The following CAST variants were observed in gnomAD, a reference collection of about 807,000 sequenced individuals.
The protein encoded by CAST is MIR583 host.
CAST carries 76 observed loss-of-function variants against 119.6 expected under a neutral mutation model. The ratio of observed to expected loss-of-function variants is 0.64; its 90% CI spans 0.53 to 0.77. CAST has a LOEUF of 0.77. Among genes scored for constraint, CAST ranks in the 30% least tolerant of loss-of-function variants. The pLI is 0.00. For missense variants in CAST, 953 were observed against 946.5 expected (o/e 1.01, Z -0.09); for synonymous variants, 319 against 331.6 (o/e 0.96, Z 0.41).
In CAST at chr5:96,704,033, G is replaced by C. The variant is rs367597097; in HGVS notation, c.210+8126G>C. ...CAGTATAGGATTAAAATGAAGTAGT[G>C]AAATTTAGCAAAATCTTGCTGAACA... On this transcript the variant is annotated intron_variant, in intron 3 of 31. Transcript: ENST00000675179. Among the ~76,000 whole-genome samples, 11 of 152,284 alleles carry C rather than the reference G, an allele frequency of 7.2e-5. 1 individual carries two copies. In the South Asian group the frequency reaches 2.1e-3, roughly 29 times the overall value.
At chr5:96,113,439 G>A in the CAST span, among the ~76,000 whole-genome samples, 1 of 152,242 alleles carries the variant, frequency 6.6e-6, no homozygotes, top group East Asian at 1.9e-4. Flanking sequence ...GTCCAGGTTA[G>A]TAGACACACA....
At chr5:96,300,184 C>T in the CAST span, among the ~76,000 whole-genome samples, 1 of 152,030 alleles carries the variant, frequency 6.6e-6, no homozygotes, top group South Asian at 2.1e-4. Context: ...TTTCACAGAC[C>T]AATGTTGTAT....
the CAST span, among the ~76,000 whole-genome samples, chr5:96,032,097 C>T: frequency 1.3e-4 from 20 of 152,084 alleles, no homozygotes; most frequent in Non-Finnish European, 2.8e-4. Context: ...AGTCACATTC[C>T]ATCACTCTTT....
At chr5:96,493,325 CTAGA>C in the CAST span, among the ~76,000 whole-genome samples, 17 of 152,098 alleles carry the variant, frequency 1.1e-4, no homozygotes, top group African/African-American at 2.9e-4. Flanking sequence ...CCTCTTCACC[CTAGA>C]TAAAGTGCTT....
the CAST span, among the ~76,000 whole-genome samples, chr5:96,424,731 G>T: frequency 3.3e-5 from 5 of 152,168 alleles, no homozygotes; most frequent in African/African-American, 1.2e-4. Flanking sequence ...GGGAGGCCAA[G>T]GCGGGTGGAT....
At chr5:95,967,416 T>TTAAA in the CAST span, among the ~76,000 whole-genome samples, 213 of 144,590 alleles carry the variant, frequency 1.5e-3, no homozygotes, top group Non-Finnish European at 2.5e-3. Flanking sequence ...GACCCTATCT[T>TTAAA]TAAATAAATA....
intron 2 of CAST, among the ~76,000 whole-genome samples, chr5:96,693,562 T>C (rs1201265443): frequency 6.6e-6 from 1 of 152,202 alleles, no homozygotes; most frequent in Non-Finnish European, 1.5e-5. Flanking sequence ...CTGTGTCACA[T>C]TGAAAACAGA....
chr5:96,661,362 T>G (rs1748427492), upstream of CAST, among the ~76,000 whole-genome samples: 1 of 140,710 alleles, frequency 7.1e-6, no homozygotes, highest in Admixed American at 7.7e-5. Context: ...GAGGCGGAGA[T>G]TGCAGCGAGC....
chr5:96,399,788 T>C, the CAST span, among the ~76,000 whole-genome samples: 2 of 152,108 alleles, frequency 1.3e-5, no homozygotes, highest in African/African-American at 2.4e-5. Flanking sequence ...TTCTAGAGCT[T>C]TGGTCTCTTA....
chr5:96,717,006 A>T (rs1016165108), intron 3 of CAST, among the ~76,000 whole-genome samples: 3 of 152,056 alleles, frequency 2.0e-5, no homozygotes, highest in Admixed American at 2.0e-4. Flanking sequence ...ATTCCAGCTT[A>T]AAAAAAACTT....
At chr5:96,738,321 C>CA (rs1354594761) in intron 11 of CAST, among the ~76,000 whole-genome samples, 5 of 151,244 alleles carry the variant, frequency 3.3e-5, no homozygotes, top group South Asian at 4.2e-4. Flanking sequence ...GACTCCATCT[C>CA]AAAAAAAAGA....
intron 1 of CAST, among the ~76,000 whole-genome samples, chr5:96,639,801 T>G (rs1747928956): frequency 6.6e-6 from 1 of 152,210 alleles, no homozygotes; most frequent in Non-Finnish European, 1.5e-5. Context: ...TTGTTTTGTT[T>G]GAGTATGCAC....
chr5:96,753,454 T>G (rs1765595365), intron 20 of CAST, among the ~76,000 whole-genome samples: 3 of 152,200 alleles, frequency 2.0e-5, no homozygotes. Context: ...ATGGCCAGAG[T>G]TCATTACATT....
the CAST span, among the ~76,000 whole-genome samples, chr5:96,154,145 G>T: frequency 1.3e-5 from 2 of 152,080 alleles, no homozygotes; most frequent in Admixed American, 6.6e-5. Flanking sequence ...GGGTGTGGTG[G>T]CGGGTGCCTG....
Position 96,604,288 on chromosome 5 carries a change from A to G in CAST, c.61-71251A>G, listed in dbSNP as rs556662973. On this transcript the variant is annotated intron_variant, in intron 1 of 11. Coordinates refer to the CAST transcript ENST00000505143. Reference sequence around the variant, plus strand: ...ATACTCAGGATGGTCACTATCTACTATAATCACTTGATTCTCAATAAAGCT... The same window carrying G: ...ATACTCAGGATGGTCACTATCTACTGTAATCACTTGATTCTCAATAAAGCT... Among the ~76,000 whole-genome samples the G allele has an allele frequency of 1.1e-4, 17 of 152,320 alleles. 2 individuals carry two copies. Among genetic ancestry groups the G allele is most frequent in the African/African-American group, 3.8e-4 (16 of 41,580 alleles).
the CAST span, among the ~76,000 whole-genome samples, chr5:96,074,092 G>C: frequency 1.8e-3 from 267 of 152,230 alleles, 1 homozygote; most frequent in African/African-American, 6.1e-3. Flanking sequence ...AAATTTGCTG[G>C]AACTAATTCT....
At chr5:96,525,966 G>A (rs892313118), upstream of CAST, among the ~76,000 whole-genome samples, 3 of 152,128 alleles carry the variant, frequency 2.0e-5, no homozygotes, top group Non-Finnish European at 2.9e-5. Flanking sequence ...GTGAGAGTGG[G>A]GTGGCAATTG....
the CAST span, among the ~76,000 whole-genome samples, chr5:96,516,560 G>A: frequency 0.012 from 1,873 of 152,212 alleles, 23 homozygotes; most frequent in Middle Eastern, 0.051. Flanking sequence ...GTTTTGCAAT[G>A]GCAGGATGAT....
Position 96,757,512 on chromosome 5 carries a change from C to T in CAST, c.1761+18C>T. ...AGCTTCCAGTAAGCAAACCAGTTTT[C>T]TCTGAGGATATCTTTTCCTTTTGGC... On this transcript the variant is annotated intron_variant, in intron 23 of 31. Coordinates refer to ENST00000675179, the MANE Select transcript of CAST (RefSeq NM_001750.7). The T allele has an allele frequency of 6.2e-7, 1 of 1,613,660 alleles. No homozygotes were observed. The highest frequency in any genetic ancestry group is 8.5e-7 in the Non-Finnish European group (1 of 1,179,596).
Sources: allele counts gnomAD v4.1 joint callset (sites outside exome capture counted in the v4.1 genomes callset), GRCh38; gene constraint gnomAD v4.1.1; transcripts MANE v1.5; gene names NCBI Gene and HGNC (gene_info 2026-07-23, HGNC 2026-07-21).